Variants in RPS6KC1 observed in about 807,000 individuals in gnomAD.
RPS6KC1 encodes inactive ribosomal protein S6 kinase delta-1.
RPS6KC1 carries 54 observed loss-of-function variants against 103.8 expected under a neutral mutation model. That is an observed-to-expected ratio of 0.52 (90% CI 0.42 to 0.65). RPS6KC1 has a LOEUF of 0.65. Ranked by LOEUF, RPS6KC1 falls within the 30% of genes least tolerant of loss-of-function variation. The probability of loss-of-function intolerance (pLI) is 0.00; values close to 1 mark genes in which losing one functional copy is unlikely to be tolerated. For synonymous variants in RPS6KC1, 439 were observed against 438.7 expected, an observed-to-expected ratio of 1.00 and a Z score of -0.01; for missense variants, 1,151 against 1,253.8, an observed-to-expected ratio of 0.92 and a Z score of 1.24.
At chr1:213,292,260 AT>A in the RPS6KC1 span, among the ~76,000 whole-genome samples, 1 of 446 alleles carries the variant, frequency 2.2e-3, no homozygotes, top group African/African-American at 2.4e-3. Flanking sequence ...TAATAATAAA[AT>A]TAAATTAAAT....
chr1:213,390,990 G>T, the RPS6KC1 span, among the ~76,000 whole-genome samples: 7 of 151,952 alleles, frequency 4.6e-5, no homozygotes, highest in Non-Finnish European at 8.8e-5. Context: ...ATGTGATACC[G>T]ATGTATATGA....
chr1:213,781,354 A>T, the RPS6KC1 span, among the ~76,000 whole-genome samples: 1 of 152,176 alleles, frequency 6.6e-6, no homozygotes, highest in Non-Finnish European at 1.5e-5. Context: ...GCCATTGAAG[A>T]TGGAAACTCC....
the RPS6KC1 span, among the ~76,000 whole-genome samples, chr1:213,528,375 C>A: frequency 2.6e-5 from 4 of 152,086 alleles, no homozygotes; most frequent in Admixed American, 6.6e-5. Context: ...TGGAGGTAAC[C>A]ACCCCCATGA....
the RPS6KC1 span, among the ~76,000 whole-genome samples, chr1:213,584,559 A>G: frequency 6.6e-6 from 1 of 152,350 alleles, no homozygotes; most frequent in Admixed American, 6.5e-5. Flanking sequence ...GATAATTTTC[A>G]AATCTTCCTG....
chr1:213,835,243 G>C, the RPS6KC1 span, among the ~76,000 whole-genome samples: 1 of 152,330 alleles, frequency 6.6e-6, no homozygotes, highest in African/African-American at 2.4e-5. Context: ...AGCCAGTGTG[G>C]CTGAAGTCTT....
intron 1 of RPS6KC1, among the ~76,000 whole-genome samples, chr1:213,060,945 A>G (rs756845611): frequency 5.3e-5 from 8 of 151,822 alleles, no homozygotes; most frequent in Non-Finnish European, 1.2e-4. Context: ...TCTTTCCCAC[A>G]GTTCTGAAGG....
chr1:213,363,604 C>CGCTCGCTTGCTT, the RPS6KC1 span, among the ~76,000 whole-genome samples: 1 of 85,182 alleles, frequency 1.2e-5, no homozygotes. Flanking sequence ...CTTGCTCGCT[C>CGCTCGCTTGCTT]GCTTGCTTGC....
At chr1:213,373,537 G>T in the RPS6KC1 span, among the ~76,000 whole-genome samples, 3 of 152,046 alleles carry the variant, frequency 2.0e-5, no homozygotes, top group African/African-American at 7.2e-5. Flanking sequence ...AACAAAAAAA[G>T]AAAACCCATC....
intron 4 of RPS6KC1, among the ~76,000 whole-genome samples, chr1:213,110,553 G>A (rs2082921500): frequency 6.6e-6 from 1 of 152,164 alleles, no homozygotes; most frequent in South Asian, 2.1e-4. Context: ...ATAGCTTTGT[G>A]GTCAGCCAGT....
At chr1:213,473,120 A>G in the RPS6KC1 span, among the ~76,000 whole-genome samples, 2 of 152,236 alleles carry the variant, frequency 1.3e-5, no homozygotes, top group Non-Finnish European at 2.9e-5. Context: ...CCTTGTTCAC[A>G]GAACAAAGAA....
the RPS6KC1 span, among the ~76,000 whole-genome samples, chr1:213,637,285 T>C: frequency 5.6e-3 from 838 of 149,272 alleles, 16 homozygotes; most frequent in African/African-American, 0.02. Flanking sequence ...GGATTATAAA[T>C]CATGCTACTA....
chr1:213,477,294 A>G, the RPS6KC1 span, among the ~76,000 whole-genome samples: 4 of 152,288 alleles, frequency 2.6e-5, no homozygotes, highest in South Asian at 8.3e-4. Flanking sequence ...ACAAAGTTCA[A>G]AATCCTTTTA....
At chr1:213,119,391 G>A (rs533908998) in intron 5 of RPS6KC1, among the ~76,000 whole-genome samples, 9 of 136,584 alleles carry the variant, frequency 6.6e-5, no homozygotes, top group Admixed American at 5.3e-4. Flanking sequence ...AGGTTGCAGT[G>A]AGCCAAGATC....
At chr1:213,148,035 T>C (rs1313614125) in intron 6 of RPS6KC1, among the ~76,000 whole-genome samples, 2 of 152,248 alleles carry the variant, frequency 1.3e-5, no homozygotes, top group African/African-American at 4.8e-5. Flanking sequence ...CTGATTTTTG[T>C]ACATTGATTT....
chr1:213,125,114 G>T (rs915213232), intron 5 of RPS6KC1, among the ~76,000 whole-genome samples: 4 of 152,056 alleles, frequency 2.6e-5, no homozygotes, highest in African/African-American at 7.2e-5. Context: ...GAACTTAAGG[G>T]CTTACCATAC....
At chr1:213,752,022 A>G in the RPS6KC1 span, among the ~76,000 whole-genome samples, 1 of 152,212 alleles carries the variant, frequency 6.6e-6, no homozygotes, top group Non-Finnish European at 1.5e-5. Context: ...AAATTAGGTT[A>G]ACTATATCTA....
the RPS6KC1 span, among the ~76,000 whole-genome samples, chr1:213,702,210 T>C: frequency 6.6e-6 from 1 of 152,050 alleles, no homozygotes; most frequent in African/African-American, 2.4e-5. Flanking sequence ...ACTTTCCATG[T>C]ATTTGTATAG....
chr1:213,195,341 A>C (rs554300562), intron 8 of RPS6KC1, among the ~76,000 whole-genome samples: 1 of 152,324 alleles, frequency 6.6e-6, no homozygotes, highest in East Asian at 1.9e-4. Context: ...TAGCCCTTAG[A>C]GAAAACTTAA....
chr1:213,093,249 C>T (rs996263666), intron 3 of RPS6KC1, among the ~76,000 whole-genome samples: 2 of 150,190 alleles, frequency 1.3e-5, no homozygotes, highest in African/African-American at 4.9e-5. Context: ...CTCGCTCTGT[C>T]ACCCAGGCTG....
Sources: gnomAD v4.1 joint callset for allele counts (sites outside exome capture counted in the v4.1 genomes callset) on GRCh38, gnomAD v4.1.1 for gene constraint, MANE v1.5 for transcripts, NCBI Gene and HGNC (gene_info 2026-07-23, HGNC 2026-07-21) for gene names.